ATXN7L1: variants seen among roughly 807,000 people sequenced by gnomAD.
ATXN7L1 encodes ataxin-7-like protein 1.
Under a neutral mutation model 70.8 loss-of-function variants are expected in ATXN7L1, and 15 were observed. The ratio of observed to expected loss-of-function variants is 0.21; its 90% CI spans 0.14 to 0.33. The LOEUF is 0.33. Among genes scored for constraint, ATXN7L1 ranks in the 10% least tolerant of loss-of-function variants. The pLI is 1.00. For missense variants in ATXN7L1, 975 were observed against 1,097.1 expected (o/e 0.89, Z 1.57); for synonymous variants, 440 against 445.1 (o/e 0.99, Z 0.14).
At chr7:105,617,245 C>A (rs1292346462) in intron 9 of ATXN7L1, among the ~76,000 whole-genome samples, 1 of 152,116 alleles carries the variant, frequency 6.6e-6, no homozygotes, top group African/African-American at 2.4e-5. Context: ...AGGATGGTCT[C>A]GATCTCCTAA....
chr7:105,629,762 C>G (rs950840516), intron 7 of ATXN7L1, among the ~76,000 whole-genome samples: 1 of 151,968 alleles, frequency 6.6e-6, no homozygotes, highest in African/African-American at 2.4e-5. Flanking sequence ...AAGTGAACCA[C>G]CCACCTCAGC....
rs76690135 is a variant in ATXN7L1 at position 105,809,825 on chromosome 7, T to C, written c.251-21117A>G. ...TCACTCTGTTGCCCAGGCTAGAGCA[T>C]AGTTATGCTATCATAGCTCACTGTA... On this transcript the variant is annotated intron_variant, in intron 2 of 11. Coordinates refer to ENST00000419735, the MANE Select transcript of ATXN7L1 (RefSeq NM_020725.2). 6.1e-3 allele frequency among the ~76,000 whole-genome samples: 928 copies of C among 151,956 alleles called. 9 individuals are homozygous for C. Among genetic ancestry groups the C allele is most frequent in the African/African-American group, 0.021 (873 of 41,426 alleles).
In ATXN7L1 at chr7:105,690,026, C is replaced by T. The variant is rs185951338; in HGVS notation, c.356-24738G>A. ...GGCACTTCTTTTTTTATTTTTGAGACGGAGTTTCGCTCTTGTTGCCCAGGC... is the reference window on the plus strand; with the variant it reads ...GGCACTTCTTTTTTTATTTTTGAGATGGAGTTTCGCTCTTGTTGCCCAGGC... On this transcript the variant is annotated intron_variant, in intron 3 of 11. Transcript: ENST00000419735. Among the ~76,000 whole-genome samples, 24 of 152,236 alleles carry T rather than the reference C, an allele frequency of 1.6e-4. No individual in the cohort carries two copies. The East Asian group carries it at 2.7e-3, about 17-fold the overall frequency.
At chr7:105,713,999 G>A (rs771783821) in intron 3 of ATXN7L1, among the ~76,000 whole-genome samples, 3 of 152,208 alleles carry the variant, frequency 2.0e-5, no homozygotes, top group Admixed American at 6.5e-5. Context: ...CCAGGACATC[G>A]TGGTTCCATG....
intron 2 of ATXN7L1, among the ~76,000 whole-genome samples, chr7:105,816,213 G>C (rs1809171086): frequency 6.6e-6 from 1 of 152,072 alleles, no homozygotes; most frequent in African/African-American, 2.4e-5. Context: ...TAATTTAGAG[G>C]GGTTAATACC....
intron 3 of ATXN7L1, among the ~76,000 whole-genome samples, chr7:105,756,273 G>T (rs1397522026): frequency 6.6e-6 from 1 of 152,126 alleles, no homozygotes; most frequent in East Asian, 1.9e-4. Flanking sequence ...CTGTTTGCCA[G>T]CCATGTTCTT....
intron 2 of ATXN7L1, among the ~76,000 whole-genome samples, chr7:105,810,267 G>C (rs1165839707): frequency 6.6e-6 from 1 of 152,248 alleles, no homozygotes; most frequent in Non-Finnish European, 1.5e-5. Context: ...AGCAGGAAGA[G>C]GATGGCCTTG....
chr7:105,853,314 CGAGGCGTG>C, intron 2 of ATXN7L1, among the ~76,000 whole-genome samples: 1 of 152,132 alleles, frequency 6.6e-6, no homozygotes, highest in Non-Finnish European at 1.5e-5. Flanking sequence ...TCTGGGAGGC[CGAGGCGTG>C]TAGATCACCT....
chr7:105,665,307 G>A lies in ATXN7L1; in HGVS notation c.356-19C>T. The stretch of plus-strand genomic sequence containing the variant: ...CTTCTCTCTACAGGGGCAGAAAGTA[G>A]AGAACTCAGCACAGCATCTGTAGCA... On this transcript the variant is annotated intron_variant, in intron 3 of 11. Coordinates refer to ENST00000419735, the MANE Select transcript of ATXN7L1 (RefSeq NM_020725.2). 1 of 1,535,904 alleles carries A rather than the reference G, an allele frequency of 6.5e-7. No homozygotes were observed. Among genetic ancestry groups the A allele is most frequent in the Non-Finnish European group, 8.8e-7 (1 of 1,133,452 alleles).
intron 3 of ATXN7L1, among the ~76,000 whole-genome samples, chr7:105,740,123 A>G (rs990029698): frequency 6.6e-6 from 1 of 152,172 alleles, no homozygotes; most frequent in Admixed American, 6.5e-5. Context: ...TAGTGGGTTG[A>G]GATAATTTGT....
At chr7:105,666,291 A>G (rs930049765) in intron 3 of ATXN7L1, among the ~76,000 whole-genome samples, 1 of 152,236 alleles carries the variant, frequency 6.6e-6, no homozygotes, top group African/African-American at 2.4e-5. Context: ...TGTCTCACAC[A>G]TAATTAGTGC....
At chr7:105,853,846 G>A (rs749924412) in intron 2 of ATXN7L1, among the ~76,000 whole-genome samples, 13 of 152,260 alleles carry the variant, frequency 8.5e-5, no homozygotes, top group Non-Finnish European at 1.9e-4. Context: ...GCGGGCGGTA[G>A]GGAACAACAG....
intron 8 of ATXN7L1, among the ~76,000 whole-genome samples, chr7:105,622,037 C>T (rs57201349): frequency 0.12 from 17,999 of 152,216 alleles, 1,329 homozygotes; most frequent in South Asian, 0.3. Context: ...AGCTGGTCCC[C>T]GGCAGCATGT....
At chr7:105,707,881 G>C (rs987180156) in intron 3 of ATXN7L1, among the ~76,000 whole-genome samples, 1 of 152,146 alleles carries the variant, frequency 6.6e-6, no homozygotes, top group Non-Finnish European at 1.5e-5. Flanking sequence ...GAGAGCAATG[G>C]GCAAAGTTGC....
At chr7:105,675,451 C>G (rs1328822502) in intron 3 of ATXN7L1, among the ~76,000 whole-genome samples, 1 of 151,898 alleles carries the variant, frequency 6.6e-6, no homozygotes, top group Non-Finnish European at 1.5e-5. Flanking sequence ...GGTGAAAGCC[C>G]GTCTCTACTA....
intron 3 of ATXN7L1, among the ~76,000 whole-genome samples, chr7:105,725,319 C>T (rs1265641909): frequency 6.6e-6 from 1 of 152,206 alleles, no homozygotes. Context: ...AGACCCCCTC[C>T]ATCTTTGCAC....
chr7:105,616,769 C>G (rs1793955739), intron 9 of ATXN7L1, among the ~76,000 whole-genome samples: 1 of 152,194 alleles, frequency 6.6e-6, no homozygotes, highest in Admixed American at 6.5e-5. Context: ...CCCTGCACAA[C>G]CCCTTCCTAA....
chr7:105,703,621 A>C (rs1197180414), intron 3 of ATXN7L1, among the ~76,000 whole-genome samples: 2 of 152,200 alleles, frequency 1.3e-5, no homozygotes, highest in Admixed American at 1.3e-4. Flanking sequence ...GCCTGGCCAA[A>C]ACCCTGAGAG....
At position 105,607,565 on chromosome 7, in the gene ATXN7L1, G is replaced by T. The variant is rs1792811034; in HGVS notation, c.*287C>A. On this transcript the variant is annotated 3_prime_UTR_variant, in exon 12 of 12. Transcript: ENST00000419735. ...GGTACAGTAGCAGCATCAGGAGCTA[G>T]GGGAGTGACCCCAAATTTGGAAGAA... 2 of 481,004 alleles carry T rather than the reference G, an allele frequency of 4.2e-6. No individual in the cohort carries two copies. The highest frequency in any genetic ancestry group is 7.5e-6 in the Non-Finnish European group (2 of 266,816). The allele number at this position is 481,004 out of a possible 1,614,324, so 29.8% of individuals were successfully genotyped here. A position where few individuals can be genotyped will look rare whatever the true frequency, so the allele number is the denominator to read the frequency against.
Sources: gnomAD v4.1 joint callset for allele counts (sites outside exome capture counted in the v4.1 genomes callset) on GRCh38, gnomAD v4.1.1 for gene constraint, MANE v1.5 for transcripts, NCBI Gene and HGNC (gene_info 2026-07-23, HGNC 2026-07-21) for gene names.